Variants in REEP3 observed in about 807,000 individuals in gnomAD.
REEP3 encodes receptor accessory protein 3, also known as receptor expression-enhancing protein 3.
Under a neutral mutation model 41.3 loss-of-function variants are expected in REEP3, and 20 were observed. That is an observed-to-expected ratio of 0.48 (90% CI 0.34 to 0.70). REEP3 has a LOEUF of 0.70. REEP3 is among the 30% of genes least tolerant of loss of function. REEP3 has a pLI of 0.01. For missense variants in REEP3, 271 were observed against 308.8 expected, an observed-to-expected ratio of 0.88 and a Z score of 0.92; for synonymous variants, 104 against 101.8, an observed-to-expected ratio of 1.02 and a Z score of -0.13.
rs117645636 is a variant in REEP3 at position 63,526,959 on chromosome 10, A to G, written c.32+5382A>G. On this transcript the variant is annotated intron_variant, in intron 1 of 7. Coordinates refer to ENST00000373758, the MANE Select transcript of REEP3 (RefSeq NM_001001330.3). ...AAATGTAAAATTAGATACTACAGAT[A>G]TTTGATAAGTACTACTTTCCTATGT... Among the ~76,000 whole-genome samples the G allele has an allele frequency of 8.6e-3, 1,302 of 152,242 alleles. 15 individuals carry two copies. Among genetic ancestry groups the G allele is most frequent in the East Asian group, 0.027 (138 of 5,176 alleles).
chr10:63,578,604 G>C (rs879681654), intron 2 of REEP3, among the ~76,000 whole-genome samples: 1 of 151,782 alleles, frequency 6.6e-6, no homozygotes, highest in Non-Finnish European at 1.5e-5. Context: ...GTAAAACCCC[G>C]TCTCTACCAA....
intron 2 of REEP3, among the ~76,000 whole-genome samples, chr10:63,582,813 A>C (rs965668032): frequency 3.3e-5 from 5 of 151,596 alleles, no homozygotes; most frequent in African/African-American, 1.2e-4. Flanking sequence ...GCCCCTCTTT[A>C]CCCATGTATC....
intron 1 of REEP3, among the ~76,000 whole-genome samples, chr10:63,542,661 C>A (rs1003240618): frequency 1.3e-5 from 2 of 152,072 alleles, no homozygotes; most frequent in Admixed American, 1.3e-4. Context: ...ATTTCAGACT[C>A]GCAACCCTTT....
At chr10:63,556,623 TTTG>T (rs1406654706) in intron 1 of REEP3, among the ~76,000 whole-genome samples, 4 of 968 alleles carry the variant, frequency 4.1e-3, no homozygotes, top group African/African-American at 8.6e-3. Context: ...TGTTTTTTTT[TTTG>T]TTGTTTTGTT....
At position 63,558,826 on chromosome 10, in the gene REEP3, T is replaced by C. The variant is rs775467802; in HGVS notation, c.33-7512T>C. Among the ~76,000 whole-genome samples the C allele has an allele frequency of 3.3e-5, 5 of 152,208 alleles. 1 individual carries two copies. The South Asian group carries it at 1.0e-3, about 32-fold the overall frequency. ...TTTGAGAGTGTATATAGTGTGTGTG[T>C]GTGTGAATTGTGACTAATTTATTCT... On this transcript the variant is annotated intron_variant, in intron 1 of 7. Coordinates refer to ENST00000373758, the MANE Select transcript of REEP3 (RefSeq NM_001001330.3).
intron 1 of REEP3, 33 bp downstream of exon 1, chr10:63,521,610 G>A (rs1284790382): frequency 9.4e-6 from 13 of 1,385,316 alleles, no homozygotes; most frequent in Non-Finnish European, 1.2e-5. Context: ...TGCAGCCGGC[G>A]CGAGGCCCAG....
At chr10:63,542,079 G>GT (rs1205982498) in intron 1 of REEP3, among the ~76,000 whole-genome samples, 1 of 83,588 alleles carries the variant, frequency 1.2e-5, no homozygotes, top group Non-Finnish European at 2.6e-5. Context: ...TTTTGTTTTT[G>GT]TTTTTGTTTT....
intron 1 of REEP3, chr10:63,562,871 T>A: frequency 4.4e-6 from 2 of 453,286 alleles, no homozygotes; most frequent in South Asian, 3.1e-5. Context: ...CCAAACTTCA[T>A]ATATTGAAGT....
intron 2 of REEP3, among the ~76,000 whole-genome samples, chr10:63,576,906 T>C (rs904920877): frequency 6.6e-6 from 1 of 152,166 alleles, no homozygotes; most frequent in Non-Finnish European, 1.5e-5. Context: ...TGTGACCTCA[T>C]TTAACCTTAA....
At chr10:63,526,751 T>G (rs1374506981) in intron 1 of REEP3, among the ~76,000 whole-genome samples, 1 of 152,158 alleles carries the variant, frequency 6.6e-6, no homozygotes, top group Non-Finnish European at 1.5e-5. Context: ...ATAATTTACT[T>G]GTTTTGTCTG....
At chr10:63,562,925 GTTAT>G (rs1388837434) in intron 1 of REEP3, 2 of 456,492 alleles carry the variant, frequency 4.4e-6, no homozygotes, top group Non-Finnish European at 8.8e-6. Context: ...TTGGAGTTAA[GTTAT>G]TTAAAGGTGT....
intron 5 of REEP3, among the ~76,000 whole-genome samples, chr10:63,605,398 G>A (rs552818873): frequency 1.3e-5 from 2 of 152,100 alleles, no homozygotes; most frequent in Non-Finnish European, 2.9e-5. Flanking sequence ...AACCTTATCT[G>A]CAATTATAAT....
In REEP3 at chr10:63,521,841, C is replaced by T. The variant is rs1389713006; in HGVS notation, c.32+264C>T. The T allele has an allele frequency of 7.6e-5, 5 of 65,642 alleles. No individual in the cohort carries two copies. The East Asian group carries it at 8.0e-4, about 11-fold the overall frequency. The allele number at this position is 65,642 out of a possible 1,614,324, so 4.1% of individuals were successfully genotyped here. ...GGCTGTGGCGCTGCTCGGCTGCGTG[C>T]GGTGCGGCGCGGCGCCCCTGCTCCG... On this transcript the variant is annotated intron_variant, in intron 1 of 7. Transcript: ENST00000373758.
At chr10:63,529,118 C>T (rs1417986231) in intron 1 of REEP3, among the ~76,000 whole-genome samples, 2 of 152,240 alleles carry the variant, frequency 1.3e-5, no homozygotes, top group Non-Finnish European at 2.9e-5. Flanking sequence ...AATTTGGGGA[C>T]TGCCTTTTTT....
intron 6 of REEP3, among the ~76,000 whole-genome samples, chr10:63,617,136 G>C (rs914403004): frequency 3.9e-5 from 6 of 152,066 alleles, no homozygotes; most frequent in Non-Finnish European, 7.3e-5. Flanking sequence ...CACTGCCTCT[G>C]TGCATGCTGT....
intron 1 of REEP3, among the ~76,000 whole-genome samples, chr10:63,531,021 T>G (rs998251912): frequency 2.6e-5 from 4 of 152,230 alleles, no homozygotes. Context: ...GGTTTATGCA[T>G]ACTTACCCCT....
intron 1 of REEP3, among the ~76,000 whole-genome samples, chr10:63,558,176 TC>T (rs1182997522): frequency 1.3e-5 from 2 of 152,198 alleles, no homozygotes; most frequent in Non-Finnish European, 2.9e-5. Context: ...AACCTAGTAA[TC>T]AAGTTAGAAT....
At chr10:63,595,023 C>T (rs1286022656) in intron 3 of REEP3, among the ~76,000 whole-genome samples, 169 bp downstream of exon 3, 4 of 152,034 alleles carry the variant, frequency 2.6e-5, no homozygotes, top group African/African-American at 9.7e-5. Flanking sequence ...CCTTTTAGTC[C>T]CCATCAAATA....
At chr10:63,573,740 C>T (rs1228697089) in intron 2 of REEP3, among the ~76,000 whole-genome samples, 1 of 152,110 alleles carries the variant, frequency 6.6e-6, no homozygotes, top group Admixed American at 6.5e-5. Flanking sequence ...TGTCTGCTAA[C>T]TTTAGAGTGG....
Sources: allele counts gnomAD v4.1 joint callset (sites outside exome capture counted in the v4.1 genomes callset), GRCh38; gene constraint gnomAD v4.1.1; transcripts MANE v1.5; gene names NCBI Gene and HGNC (gene_info 2026-07-23, HGNC 2026-07-21).